The following GRIA4 variants were observed in gnomAD, a reference collection of about 807,000 sequenced individuals.
GRIA4 encodes the protein glutamate receptor 4.
GRIA4 carries 34 observed loss-of-function variants against 104.0 expected under a neutral mutation model. The ratio of observed to expected loss-of-function variants is 0.33; its 90% CI spans 0.25 to 0.44. The LOEUF (loss-of-function observed/expected upper bound fraction) is 0.44. Among genes scored for constraint, GRIA4 ranks in the 20% least tolerant of loss-of-function variants. The pLI, the probability that GRIA4 is intolerant of heterozygous loss-of-function variation, is 1.00. For missense variants in GRIA4, 750 were observed against 1,096.5 expected, an observed-to-expected ratio of 0.68 and a Z score of 4.46; for synonymous variants, 386 against 381.9, an observed-to-expected ratio of 1.01 and a Z score of -0.13.
intron 7 of GRIA4, among the ~76,000 whole-genome samples, chr11:105,898,851 G>C (rs190091115): frequency 0.012 from 1,229 of 102,698 alleles, 7 homozygotes; most frequent in Non-Finnish European, 0.019. Flanking sequence ...TCAAATTAAC[G>C]TGAAAAATCA....
chr11:105,894,798 T>TCCCACCAAAAAATAAACAAAACACTCTCC (rs1591410229), intron 6 of GRIA4, among the ~76,000 whole-genome samples: 4 of 138,676 alleles, frequency 2.9e-5, no homozygotes, highest in African/African-American at 1.1e-4. Context: ...CATATTTTTT[T>TCCCACCAAAAAATAAACAAAACACTCTCC]TTTTTTTTTT....
At chr11:105,744,992 A>G (rs565639721) in intron 3 of GRIA4, among the ~76,000 whole-genome samples, 30 of 152,282 alleles carry the variant, frequency 2.0e-4, no homozygotes, top group African/African-American at 5.5e-4. Context: ...AAAAGGGAAT[A>G]GGTAAACCTT....
chr11:105,697,786 C>T (rs750544878), intron 3 of GRIA4, among the ~76,000 whole-genome samples: 7 of 152,034 alleles, frequency 4.6e-5, no homozygotes, highest in Non-Finnish European at 7.4e-5. Flanking sequence ...GCCAACATGT[C>T]GTTTTCTTAG....
intron 3 of GRIA4, among the ~76,000 whole-genome samples, chr11:105,726,213 C>T (rs1177796265): frequency 3.9e-5 from 6 of 152,028 alleles, no homozygotes; most frequent in Admixed American, 3.3e-4. Flanking sequence ...GGGAGAGGGG[C>T]GTCCACTATT....
intron 5 of GRIA4, among the ~76,000 whole-genome samples, chr11:105,875,617 C>T (rs960270931): frequency 2.6e-5 from 4 of 152,074 alleles, no homozygotes; most frequent in Non-Finnish European, 5.9e-5. Flanking sequence ...TTCAAGGATT[C>T]TACTTCTTCC....
intron 7 of GRIA4, among the ~76,000 whole-genome samples, chr11:105,900,278 C>G (rs1034841150): frequency 2.6e-5 from 4 of 152,038 alleles, no homozygotes; most frequent in African/African-American, 9.7e-5. Context: ...ATTTTTCAAC[C>G]AAGATTAAAA....
chr11:105,841,887 G>A (rs1011732343), intron 4 of GRIA4, among the ~76,000 whole-genome samples: 15 of 152,220 alleles, frequency 9.9e-5, no homozygotes, highest in South Asian at 2.1e-4. Context: ...TGCTGTGAAT[G>A]TCACAGCTAA....
chr11:105,742,005 C>T (rs1047849348), intron 3 of GRIA4, among the ~76,000 whole-genome samples: 3 of 151,992 alleles, frequency 2.0e-5, no homozygotes, highest in Admixed American at 2.0e-4. Context: ...GTGTGTTCAT[C>T]ATAAAAAAAT....
intron 5 of GRIA4, among the ~76,000 whole-genome samples, chr11:105,866,441 GT>G (rs1263975925): frequency 1.3e-5 from 2 of 150,668 alleles, no homozygotes; most frequent in Non-Finnish European, 3.0e-5. Flanking sequence ...GTGTGTGTGT[GT>G]TTGTGTGTGT....
chr11:105,871,973 A>G (rs1434935954), intron 5 of GRIA4, among the ~76,000 whole-genome samples: 2 of 152,106 alleles, frequency 1.3e-5, no homozygotes, highest in Non-Finnish European at 2.9e-5. Flanking sequence ...AAGCAACATA[A>G]AGTCAGAAAT....
intron 5 of GRIA4, among the ~76,000 whole-genome samples, chr11:105,881,448 C>T (rs1426664521): frequency 6.6e-6 from 1 of 152,098 alleles, no homozygotes; most frequent in African/African-American, 2.4e-5. Context: ...TGGTGAGTGA[C>T]CATAGAGACA....
At position 105,759,817 on chromosome 11, in the gene GRIA4, G is replaced by A. The variant is rs367802660; in HGVS notation, c.487+6597G>A. Among the ~76,000 whole-genome samples the A allele has an allele frequency of 2.8e-3, 426 of 152,122 alleles. 3 individuals are homozygous for A. The highest frequency in any genetic ancestry group is 9.6e-3 in the African/African-American group (399 of 41,498). On this transcript the variant is annotated intron_variant, in intron 4 of 16. Transcript: ENST00000282499. ...TCAAGTGAGTTAAATCCCCTTCTGT[G>A]CATTCCCATAGCATCTATATTATCT... is the stretch of plus-strand genomic sequence containing the variant.
intron 4 of GRIA4, 98 bp downstream of exon 4, chr11:105,753,318 A>AGT: frequency 1.9e-6 from 2 of 1,054,548 alleles, no homozygotes; most frequent in Non-Finnish European, 2.8e-6. Context: ...TTGATCTCTA[A>AGT]CATCACTAAA....
At chr11:105,879,849 T>G (rs1426927724) in intron 5 of GRIA4, among the ~76,000 whole-genome samples, 1 of 152,168 alleles carries the variant, frequency 6.6e-6, no homozygotes, top group Non-Finnish European at 1.5e-5. Context: ...TTTTCTCTTA[T>G]GAAAGATATA....
At chr11:105,815,658 T>A (rs1272194205) in intron 4 of GRIA4, among the ~76,000 whole-genome samples, 1 of 145,452 alleles carries the variant, frequency 6.9e-6, no homozygotes, top group African/African-American at 2.7e-5. Flanking sequence ...AAGGGGTTTA[T>A]ATGAATGAAA....
intron 14 of GRIA4, among the ~76,000 whole-genome samples, chr11:105,948,769 C>A (rs775141766): frequency 2.0e-5 from 3 of 151,496 alleles, no homozygotes; most frequent in African/African-American, 7.3e-5. Flanking sequence ...CCACACTGAG[C>A]TAAATTTTTG....
chr11:105,655,027 A>C (rs959001205), intron 3 of GRIA4, among the ~76,000 whole-genome samples: 1 of 152,192 alleles, frequency 6.6e-6, no homozygotes, highest in Non-Finnish European at 1.5e-5. Context: ...CATGGCAACC[A>C]GGAGAAGGAA....
At position 105,973,382 on chromosome 11, in the gene GRIA4, T is replaced by G. The variant is rs185142912; in HGVS notation, c.2410-928T>G. Among the ~76,000 whole-genome samples the G allele has an allele frequency of 1.9e-4, 29 of 152,220 alleles. No homozygotes were observed. The East Asian group carries it at 5.6e-3, about 29-fold the overall frequency. ...TTATAATTTATTAAACAATTTTGAA[T>G]TCTTGTTACAATTTTAGTATCTTCC... On this transcript the variant is annotated intron_variant, in intron 15 of 16. Coordinates refer to ENST00000282499, the MANE Select transcript of GRIA4 (RefSeq NM_000829.4).
intron 4 of GRIA4, among the ~76,000 whole-genome samples, chr11:105,776,462 A>C (rs1941455398): frequency 6.6e-6 from 1 of 152,232 alleles, no homozygotes; most frequent in African/African-American, 2.4e-5. Flanking sequence ...ATGGAAAAAT[A>C]GATAGTAAAC....
Sources: gnomAD v4.1 joint callset for allele counts (sites outside exome capture counted in the v4.1 genomes callset) on GRCh38, gnomAD v4.1.1 for gene constraint, MANE v1.5 for transcripts, NCBI Gene and HGNC (gene_info 2026-07-23, HGNC 2026-07-21) for gene names.